The following MATN2 variants were observed in gnomAD, a reference collection of about 807,000 sequenced individuals.
The protein encoded by MATN2 is matrilin-2.
MATN2 carries 69 observed loss-of-function variants against 103.2 expected under a neutral mutation model. The observed-to-expected ratio is 0.67, with a 90% CI of 0.55 to 0.82. The LOEUF (loss-of-function observed/expected upper bound fraction) is 0.82. Among genes scored for constraint, MATN2 ranks in the 40% least tolerant of loss-of-function variants. MATN2 has a pLI of 0.00. For synonymous variants in MATN2, 429 were observed against 450.2 expected (o/e 0.95, Z 0.60); for missense variants, 1,023 against 1,211.5 (o/e 0.84, Z 2.31).
intron 2 of MATN2, among the ~76,000 whole-genome samples, chr8:97,909,834 A>G (rs983882818): frequency 1.3e-5 from 2 of 149,532 alleles, no homozygotes; most frequent in African/African-American, 5.0e-5. Context: ...CCCCGGCTGG[A>G]GTACAGTGGC....
chr8:98,025,169 C>G (rs79663752), intron 13 of MATN2: 22 of 152,210 alleles, frequency 1.4e-4, no homozygotes, highest in African/African-American at 5.1e-4. Flanking sequence ...TTTGAGTTGG[C>G]CTTTTCCTCT....
chr8:97,885,456 G>A (rs956845540), intron 1 of MATN2, among the ~76,000 whole-genome samples: 2 of 152,160 alleles, frequency 1.3e-5, no homozygotes, highest in African/African-American at 4.8e-5. Context: ...CAGCCTAGAT[G>A]ACAGAGTGAG....
intron 7 of MATN2, among the ~76,000 whole-genome samples, chr8:97,997,784 T>C (rs978507826): frequency 4.6e-5 from 7 of 151,226 alleles, no homozygotes; most frequent in Admixed American, 1.3e-4. Flanking sequence ...GAGCCACTGT[T>C]AAACGTCTGC....
At chr8:98,025,867 C>T in intron 13 of MATN2, 1 of 333,812 alleles carries the variant, frequency 3.0e-6, no homozygotes, top group South Asian at 2.2e-5. Flanking sequence ...TTTCTGCTTA[C>T]TATCGACCAT....
At chr8:97,909,102 A>G (rs942591969) in intron 2 of MATN2, among the ~76,000 whole-genome samples, 1 of 151,952 alleles carries the variant, frequency 6.6e-6, no homozygotes, top group Admixed American at 6.6e-5. Context: ...CCATGCCCAG[A>G]TAATTTTTTG....
At chr8:97,967,518 AG>A (rs1029532697) in intron 5 of MATN2, among the ~76,000 whole-genome samples, 4 of 152,204 alleles carry the variant, frequency 2.6e-5, no homozygotes, top group Non-Finnish European at 5.9e-5. Context: ...TCATTTCAAA[AG>A]GGAGAAATTG....
intron 3 of MATN2, among the ~76,000 whole-genome samples, chr8:97,933,654 A>G (rs1350474046): frequency 6.6e-6 from 1 of 151,730 alleles, no homozygotes; most frequent in African/African-American, 2.4e-5. Context: ...TCCTCCCTTC[A>G]TCTTCTTTGT....
intron 10 of MATN2, among the ~76,000 whole-genome samples, chr8:98,015,717 CAT>C (rs1403112450): frequency 5.9e-5 from 9 of 152,198 alleles, no homozygotes; most frequent in African/African-American, 1.9e-4. Flanking sequence ...CTTTTTCCCA[CAT>C]GACATATCAC....
At chr8:98,020,424 G>GT (rs539650528) in intron 12 of MATN2, among the ~76,000 whole-genome samples, 11 of 152,168 alleles carry the variant, frequency 7.2e-5, no homozygotes, top group Non-Finnish European at 1.5e-4. Flanking sequence ...GGGATTACAG[G>GT]TGTGAACCAC....
rs1195661781 is a variant in MATN2, at chr8:97,964,394, T to C, written c.958+2864T>C. Among the ~76,000 whole-genome samples, 3 of 152,028 alleles carry C rather than the reference T, an allele frequency of 2.0e-5. No individual in the cohort carries two copies. The East Asian group carries it at 5.8e-4, about 29-fold the overall frequency. Reference sequence around the variant, plus strand: ...CAGGGAACATTAAGAACAGAGTGATTATGCCTCCCAGTTAATACAGGACAA... The same window carrying C: ...CAGGGAACATTAAGAACAGAGTGATCATGCCTCCCAGTTAATACAGGACAA... On this transcript the variant is annotated intron_variant, in intron 5 of 18. Transcript: ENST00000254898.
chr8:97,940,668 T>G (rs1261420423), intron 3 of MATN2, among the ~76,000 whole-genome samples: 2 of 152,260 alleles, frequency 1.3e-5, no homozygotes, highest in Non-Finnish European at 2.9e-5. Flanking sequence ...AATATATTTC[T>G]ACATATAGAC....
At position 98,027,536 on chromosome 8, in the gene MATN2, C is replaced by T. The variant is rs374024071; in HGVS notation, c.2063C>T (p.Ser688Phe). 18 of 1,613,786 alleles carry T rather than the reference C, an allele frequency of 1.1e-5. No individual in the cohort carries two copies. Among genetic ancestry groups the T allele is most frequent in the Non-Finnish European group, 1.5e-5 (18 of 1,179,902 alleles). ...VTGIIDSLTI[S>F]PKAARVGLLQ... ...GGAATTATAGATTCCTTGACAATTTCCCCCAAAGCCGCTCGAGTGGGGCTG... is the reference window on the plus strand; with the variant it reads ...GGAATTATAGATTCCTTGACAATTTTCCCCAAAGCCGCTCGAGTGGGGCTG... The change falls in exon 14 of 19, where the codon TCC becomes TTC. Residue 688 changes from serine to phenylalanine, a missense_variant. Transcript: ENST00000254898.
At chr8:98,015,797 G>T (rs1314511052) in intron 10 of MATN2, among the ~76,000 whole-genome samples, 2 of 152,150 alleles carry the variant, frequency 1.3e-5, no homozygotes, top group African/African-American at 4.8e-5. Flanking sequence ...CTTCACAAAA[G>T]CAGAAACTTT....
Position 98,021,289 on chromosome 8 carries a change from A to G in MATN2, c.1904A>G (p.Glu635Gly). 1 of 1,613,652 alleles carries G rather than the reference A, an allele frequency of 6.2e-7. No individual in the cohort carries two copies. The highest frequency in any genetic ancestry group is 8.5e-7 in the Non-Finnish European group (1 of 1,179,606). ...NGNSYICKCS[E>G]GFVLAEDGRR... ...AATTCCTACATCTGCAAATGCTCAG[A>G]GGGATTTGTTCTAGCTGAGGACGGA... is the stretch of plus-strand genomic sequence containing the variant. The change falls in exon 13 of 19, where the codon GAG becomes GGG. Residue 635 changes from glutamate to glycine, a missense_variant. Coordinates refer to ENST00000254898, the MANE Select transcript of MATN2 (RefSeq NM_002380.5).
rs752965770 is a variant in MATN2 at position 97,961,511 on chromosome 8, G to A, written c.939G>A (p.Glu313=). 2.5e-6 allele frequency: 4 copies of A among 1,613,242 alleles called. No individual in the cohort carries two copies. In the East Asian group the frequency reaches 6.7e-5, roughly 27 times the overall value. Residue 313 remains glutamate (E), a synonymous_variant, in exon 5 of 19, where the codon GAG becomes GAA. Coordinates refer to ENST00000254898, the MANE Select transcript of MATN2 (RefSeq NM_002380.5). The stretch of plus-strand genomic sequence containing the variant: ...GCTACAGTGGCTACGCCCTGGCTGA[G>A]GATGGGAAGAGGTGTGTGGGTGAGT... ...CQCYSGYALA[E]DGKRCVAVDY...
chr8:97,979,777 G>A (rs1399996289), intron 6 of MATN2, among the ~76,000 whole-genome samples: 1 of 151,944 alleles, frequency 6.6e-6, no homozygotes, highest in Admixed American at 6.6e-5. Context: ...TCTAGAATAG[G>A]GTAAGGCACC....
At chr8:97,983,184 G>A (rs1812082506) in intron 6 of MATN2, among the ~76,000 whole-genome samples, 1 of 152,050 alleles carries the variant, frequency 6.6e-6, no homozygotes, top group Non-Finnish European at 1.5e-5. Flanking sequence ...TGTCCTCAAG[G>A]TTTATCTGTG....
At position 98,034,327 on chromosome 8, in the gene MATN2, C is replaced by T. The variant is rs145637785; in HGVS notation, c.2815+668C>T. ...GTGCTTTTACATATTGAACACCCTG[C>T]CAAGTGCTCTAAACTTAAAATTACA... On this transcript the variant is annotated intron_variant, in intron 18 of 18. Coordinates refer to ENST00000254898, the MANE Select transcript of MATN2 (RefSeq NM_002380.5). The T allele has an allele frequency of 7.7e-4, 301 of 389,024 alleles. 2 individuals carry two copies. The East Asian group carries it at 0.016, about 20-fold the overall frequency. 24.1% of individuals were successfully genotyped at this position (389,024 alleles called of 1,614,324 possible). A position where few individuals can be genotyped will look rare whatever the true frequency, so the allele number is the denominator to read the frequency against.
At chr8:97,871,303 T>G (rs950457027) in intron 1 of MATN2, among the ~76,000 whole-genome samples, 1 of 151,376 alleles carries the variant, frequency 6.6e-6, no homozygotes, top group African/African-American at 2.4e-5. Flanking sequence ...GGGCAAGGAG[T>G]GAGGTGGGGA....
Sources: gnomAD v4.1 joint callset for allele counts (sites outside exome capture counted in the v4.1 genomes callset) on GRCh38, gnomAD v4.1.1 for gene constraint, MANE v1.5 for transcripts, NCBI Gene and HGNC (gene_info 2026-07-23, HGNC 2026-07-21) for gene names.